Variants in CAMKK1 observed in about 807,000 individuals in gnomAD.
CAMKK1 encodes the protein calcium/calmodulin-dependent protein kinase kinase 1.
Under a neutral mutation model 63.5 loss-of-function variants are expected in CAMKK1, and 20 were observed. That is an observed-to-expected ratio of 0.32 (90% confidence interval 0.22 to 0.46). The LOEUF is 0.46. Among genes scored for constraint, CAMKK1 ranks in the 20% least tolerant of loss-of-function variants. The pLI is 1.00. For synonymous variants in CAMKK1, 253 were observed against 269.0 expected, an observed-to-expected ratio of 0.94 and a Z score of 0.58; for missense variants, 588 against 658.1, an observed-to-expected ratio of 0.89 and a Z score of 1.17.
chr17:3,870,579 A>C (rs991157658), intron 12 of CAMKK1, among the ~76,000 whole-genome samples: 1 of 151,974 alleles, frequency 6.6e-6, no homozygotes, highest in Non-Finnish European at 1.5e-5. Flanking sequence ...GTTAGCCAGG[A>C]TGATCTCGAT....
chr17:3,885,576 T>C lies in CAMKK1; in HGVS notation c.112A>G (p.Thr38Ala). ...GGTGGGGGGTCCACACCGTTTCTAGTAGGCTCTGGGCCACCATCTGCCTCC... is the reference window on the plus strand; with the variant it reads ...GGTGGGGGGTCCACACCGTTTCTAGCAGGCTCTGGGCCACCATCTGCCTCC... ...LEEADGGPEPTRNGVDPPPRA... is the reference protein window; with the variant it reads ...LEEADGGPEPARNGVDPPPRA... Residue 38 changes from threonine to alanine, a missense_variant, in exon 2 of 16, where the codon ACT (threonine) becomes GCT (alanine). By Grantham distance (58) the Thr-to-Ala change is moderately conservative. Coordinates refer to ENST00000348335, the MANE Select transcript of CAMKK1 (RefSeq NM_032294.3). 1 of 1,614,084 alleles carries C rather than the reference T, an allele frequency of 6.2e-7. No homozygotes were observed.
At chr17:3,874,533 G>A (rs967540525) in intron 10 of CAMKK1, among the ~76,000 whole-genome samples, 7 of 152,006 alleles carry the variant, frequency 4.6e-5, no homozygotes, top group Middle Eastern at 3.4e-3. Flanking sequence ...CACCATGCCC[G>A]GCTAATTTTT....
In CAMKK1 at chr17:3,864,045, C is replaced by A. The variant is rs534143112; in HGVS notation, c.1446-1762G>T. On this transcript the variant is annotated intron_variant, in intron 15 of 15. Transcript: ENST00000348335. ...TCAGCTCACTGCAACCTCCACCTCCCAGACTCAAGCAATCCTCCCACCTCA... is the reference window on the plus strand; with the variant it reads ...TCAGCTCACTGCAACCTCCACCTCCAAGACTCAAGCAATCCTCCCACCTCA... 3.7e-4 allele frequency among the ~76,000 whole-genome samples: 56 copies of A among 151,890 alleles called. No individual in the cohort carries two copies. In the South Asian group the frequency reaches 0.011, roughly 30 times the overall value.
At chr17:3,881,875 T>C in intron 7 of CAMKK1, 1 of 571,792 alleles carries the variant, frequency 1.7e-6, no homozygotes, top group Non-Finnish European at 3.1e-6. Flanking sequence ...ACCATCAGCA[T>C]CAGCATGGGG....
In CAMKK1 at chr17:3,884,280, T is replaced by C. The variant is rs980061921; in HGVS notation, c.408+100A>G. The C allele has an allele frequency of 2.2e-6, 3 of 1,340,688 alleles. No individual in the cohort carries two copies. Among genetic ancestry groups the C allele is most frequent in the Middle Eastern group, 1.8e-4 (1 of 5,538 alleles). The allele number at this position is 1,340,688 out of a possible 1,614,324, so 83.0% of individuals were successfully genotyped here. A position where few individuals can be genotyped will look rare whatever the true frequency, so the allele number is the denominator to read the frequency against. On this transcript the variant is annotated intron_variant, in intron 3 of 15. Coordinates refer to ENST00000348335, the MANE Select transcript of CAMKK1 (RefSeq NM_032294.3). This position sits in a 1 kb window ranked among gnomAD's most constrained non-coding sequence, Gnocchi z 4.5. Reference sequence around the variant, plus strand: ...ACTGTCCTCACCTCCAGGCTAGGACTTGCCTGGCTCTGCCTCCCGTTCCCT... The same window carrying C: ...ACTGTCCTCACCTCCAGGCTAGGACCTGCCTGGCTCTGCCTCCCGTTCCCT...
rs769959072 is a variant in CAMKK1, at chr17:3,880,499, C to G, written c.708-65G>C. The G allele has an allele frequency of 2.2e-4, 266 of 1,216,394 alleles. 1 individual carries two copies. In the African/African-American group the frequency reaches 3.5e-3, roughly 16 times the overall value. The allele number at this position is 1,216,394 out of a possible 1,614,324, so 75.4% of individuals were successfully genotyped here. A position where few individuals can be genotyped will look rare whatever the true frequency, so the allele number is the denominator to read the frequency against. On this transcript the variant is annotated intron_variant, in intron 8 of 15. Transcript: ENST00000348335. ...CAGGGCACCCGGCCATTCAGGTGGT[C>G]GGGACGTCCCGGGAAACCTGTGCCC...
At chr17:3,875,858 C>T (rs1054238453) in intron 10 of CAMKK1, among the ~76,000 whole-genome samples, 6 of 152,156 alleles carry the variant, frequency 3.9e-5, no homozygotes, top group Admixed American at 6.5e-5. Flanking sequence ...CAGATCCTCC[C>T]CATTCTTCAA....
chr17:3,880,851 G>A (rs1429022495), intron 8 of CAMKK1, among the ~76,000 whole-genome samples: 1 of 150,642 alleles, frequency 6.6e-6, no homozygotes, highest in African/African-American at 2.4e-5. Context: ...GATATATGCT[G>A]CTTTGTAAAA....
Position 3,861,908 on chromosome 17 carries a change from C to T in CAMKK1, c.*303G>A. ...TCCTGCCCCAGGCCATGCCAACCAGCCGGGTGGCATTTCTGAGGCTCCATG... is the reference window on the plus strand; with the variant it reads ...TCCTGCCCCAGGCCATGCCAACCAGTCGGGTGGCATTTCTGAGGCTCCATG... On this transcript the variant is annotated 3_prime_UTR_variant, in exon 16 of 16. Transcript: ENST00000348335. The T allele has an allele frequency of 2.4e-6, 1 of 422,826 alleles. No homozygotes were observed. The allele number at this position is 422,826 out of a possible 1,614,324, so 26.2% of individuals were successfully genotyped here.
At position 3,882,163 on chromosome 17, in the gene CAMKK1, T is replaced by C. The variant is rs1242619141; in HGVS notation, c.685+365A>G. On this transcript the variant is annotated intron_variant, in intron 7 of 15. Coordinates refer to ENST00000348335, the MANE Select transcript of CAMKK1 (RefSeq NM_032294.3). This position sits in a 1 kb window ranked among gnomAD's most constrained non-coding sequence, Gnocchi z 4.3. ...TACTCTTCACAGGAACCCTATGAGG[T>C]AGACACCACTAGTATCCCTGTTTTA... 3.7e-6 allele frequency: 3 copies of C among 801,458 alleles called. No homozygotes were observed. The highest frequency in any genetic ancestry group is 2.3e-5 in the Admixed American group (1 of 42,974). 49.6% of individuals were successfully genotyped at this position (801,458 alleles called of 1,614,324 possible).
At chr17:3,881,212 C>T (rs1466602889) in intron 8 of CAMKK1, among the ~76,000 whole-genome samples, 1 of 152,250 alleles carries the variant, frequency 6.6e-6, no homozygotes, top group African/African-American at 2.4e-5. Context: ...CCTTAGCTTT[C>T]CCTCTCACAA....
intron 14 of CAMKK1, among the ~76,000 whole-genome samples, chr17:3,866,911 G>A (rs1159869642): frequency 1.3e-5 from 2 of 152,128 alleles, no homozygotes; most frequent in Non-Finnish European, 2.9e-5. Flanking sequence ...AGAAGAGACG[G>A]GGCTTCAGCA....
At chr17:3,874,439 T>C (rs1042582198) in intron 10 of CAMKK1, among the ~76,000 whole-genome samples, 6 of 152,230 alleles carry the variant, frequency 3.9e-5, no homozygotes, top group Admixed American at 2.6e-4. Flanking sequence ...TAGCACGATC[T>C]TAGCTCACTG....
At chr17:3,871,394 G>T (rs756506882) in intron 12 of CAMKK1, among the ~76,000 whole-genome samples, 10 of 119,068 alleles carry the variant, frequency 8.4e-5, no homozygotes, top group African/African-American at 2.6e-4. Context: ...TCGCTCTGTC[G>T]CCCAGGCTGG....
intron 1 of CAMKK1, among the ~76,000 whole-genome samples, chr17:3,888,799 G>C (rs112798792): frequency 6.6e-6 from 1 of 152,136 alleles, no homozygotes; most frequent in African/African-American, 2.4e-5. Context: ...GGGGAGGCCC[G>C]AGGTTCCTGC....
chr17:3,883,571 A>G lies in CAMKK1; in HGVS notation c.463-91T>C, dbSNP rs2055510079. On this transcript the variant is annotated intron_variant, in intron 4 of 15. Transcript: ENST00000348335. This position sits in a 1 kb window ranked among gnomAD's most constrained non-coding sequence, Gnocchi z 4.7. ...TGTGGACTGAGGTCCGGAGAGGCAC[A>G]CTGGACATCTGCTACTGGCCCTGAG... The G allele has an allele frequency of 3.8e-6, 4 of 1,039,138 alleles. No homozygotes were observed. In the African/African-American group the frequency reaches 6.3e-5, roughly 16 times the overall value. The allele number at this position is 1,039,138 out of a possible 1,614,324, so 64.4% of individuals were successfully genotyped here.
At position 3,862,193 on chromosome 17, in the gene CAMKK1, C is replaced by G. The variant is rs747139166; in HGVS notation, c.*18G>C. ...GGGATGAGTGTGCTGCCGGGTGGCC[C>G]TGGGTGCATGCAGGGGCTCAGGATG... On this transcript the variant is annotated 3_prime_UTR_variant, in exon 16 of 16. Coordinates refer to ENST00000348335, the MANE Select transcript of CAMKK1 (RefSeq NM_032294.3). This position sits in a 1 kb window ranked among gnomAD's most constrained non-coding sequence, Gnocchi z 4.1. The G allele has an allele frequency of 1.9e-6, 3 of 1,572,286 alleles. No homozygotes were observed. Among genetic ancestry groups the G allele is most frequent in the Middle Eastern group, 1.7e-4 (1 of 6,022 alleles).
intron 14 of CAMKK1, among the ~76,000 whole-genome samples, chr17:3,867,949 A>G (rs1238772489): frequency 6.6e-6 from 1 of 150,870 alleles, no homozygotes; most frequent in Non-Finnish European, 1.5e-5. Context: ...AGACACAGGC[A>G]CTGTCTAATG....
chr17:3,864,002 G>A (rs1379493882), intron 15 of CAMKK1, among the ~76,000 whole-genome samples: 2 of 151,532 alleles, frequency 1.3e-5, no homozygotes, highest in Non-Finnish European at 1.5e-5. Context: ...ACCCAGGCTG[G>A]AGTACAGTGG....
Sources: allele counts gnomAD v4.1 joint callset (sites outside exome capture counted in the v4.1 genomes callset), GRCh38; gene constraint gnomAD v4.1.1; non-coding constraint Gnocchi (gnomAD v3.1); transcripts MANE v1.5; gene names NCBI Gene and HGNC (gene_info 2026-07-23, HGNC 2026-07-21).